The following MED13 variants were observed in gnomAD, a reference collection of about 807,000 sequenced individuals.
MED13 encodes the protein mediator of RNA polymerase II transcription subunit 13.
In MED13, 23 loss-of-function variants were observed where a neutral mutation model predicts 225.2. The observed-to-expected ratio is 0.10, with a 90% CI of 0.07 to 0.14. The LOEUF (loss-of-function observed/expected upper bound fraction) is 0.14. MED13 is among the 10% of genes least tolerant of loss of function. The pLI is 1.00. For synonymous variants in MED13, 942 were observed against 889.2 expected, an observed-to-expected ratio of 1.06 and a Z score of -1.06; for missense variants, 2,197 against 2,594.5, an observed-to-expected ratio of 0.85 and a Z score of 3.33.
intron 1 of MED13, among the ~76,000 whole-genome samples, chr17:62,063,977 G>A (rs1423220909): frequency 6.6e-6 from 1 of 152,178 alleles, no homozygotes; most frequent in Non-Finnish European, 1.5e-5. Flanking sequence ...TACTGTAGAC[G>A]AGGATAGAGT....
rs2080505719 is a variant in MED13, at chr17:62,011,219, T to C, written c.1298A>G (p.Lys433Arg). 1.2e-6 allele frequency: 2 copies of C among 1,604,686 alleles called. No individual in the cohort carries two copies. Among genetic ancestry groups the C allele is most frequent in the Admixed American group, 1.7e-5 (1 of 57,742 alleles). The change falls in exon 9 of 30, where the codon AAG becomes AGG. Residue 433 changes from lysine (K) to arginine (R), a missense_variant. Lys to Arg is a conservative substitution (Grantham distance 26). Coordinates refer to ENST00000397786, the MANE Select transcript of MED13 (RefSeq NM_005121.3). The part of the protein sequence containing the change: ...NCSCLRHKNL[K>R]SRNAGQQGQA... Reference sequence around the variant, plus strand: ...TCCTTGTTGTCCAGCATTTCTTGACTTGAGATTTTTGTGCCTGAAAAGTGA... The same window carrying C: ...TCCTTGTTGTCCAGCATTTCTTGACCTGAGATTTTTGTGCCTGAAAAGTGA...
At chr17:62,035,705 T>C in intron 3 of MED13, 97 bp from the exon 4 acceptor site, 1 of 1,219,982 alleles carries the variant, frequency 8.2e-7, no homozygotes. Flanking sequence ...ATGCATACCC[T>C]ATTTTGCCCA....
chr17:62,005,549 T>C (rs1014834729), intron 9 of MED13: 9 of 152,270 alleles, frequency 5.9e-5, no homozygotes, highest in Non-Finnish European at 1.3e-4. Context: ...GAAGTTGCAG[T>C]GAGCCGAGAC....
In MED13 at chr17:61,990,161, T is replaced by A. The variant is rs1428911110; in HGVS notation, c.2263+2379A>T. On this transcript the variant is annotated intron_variant, in intron 11 of 29. Transcript: ENST00000397786. ...GGATTTTGCTGTACATCATAGTGAATAATAACATATTGTATACTTGCAAAT... is the reference window on the plus strand; with the variant it reads ...GGATTTTGCTGTACATCATAGTGAAAAATAACATATTGTATACTTGCAAAT... Among the ~76,000 whole-genome samples the A allele has an allele frequency of 2.0e-5, 3 of 152,218 alleles. No individual in the cohort carries two copies. In the East Asian group the frequency reaches 5.8e-4, roughly 29 times the overall value.
chr17:62,019,540 G>C (rs2080616968), intron 8 of MED13, among the ~76,000 whole-genome samples: 1 of 152,110 alleles, frequency 6.6e-6, no homozygotes, highest in African/African-American at 2.4e-5. Context: ...ATTTAGTTAT[G>C]TCCCAAGTGT....
chr17:61,946,751 AT>A (rs2079854591), intron 29 of MED13, 151 bp from the exon 30 acceptor site: 1 of 1,154,352 alleles, frequency 8.7e-7, no homozygotes. Context: ...TTCCATAAAA[AT>A]TATTCTCAAA....
intron 8 of MED13, among the ~76,000 whole-genome samples, chr17:62,013,322 T>C (rs1215350153): frequency 6.6e-6 from 1 of 152,030 alleles, no homozygotes; most frequent in East Asian, 1.9e-4. Flanking sequence ...CAGCAAAATA[T>C]AAAAGAATAA....
intron 16 of MED13, 89 bp downstream of exon 16, chr17:61,982,107 CCA>C: frequency 8.0e-7 from 1 of 1,243,356 alleles, no homozygotes; most frequent in East Asian, 2.4e-5. Flanking sequence ...AATGTATTTG[CCA>C]CATGGGAAAC....
In MED13 at chr17:62,010,820, G is replaced by T; in HGVS notation, c.1697C>A (p.Pro566Gln). Reference sequence around the variant, plus strand: ...TGGTTTAGAAGGAACCAAGGGATCTGGTGTTGGCATTTGATAAAAATGTTG... The same window carrying T: ...TGGTTTAGAAGGAACCAAGGGATCTTGTGTTGGCATTTGATAAAAATGTTG... ...QSQHFYQMPT[P>Q]DPLVPSKPME... is the part of the protein sequence containing the mutation. The change falls in exon 9 of 30, where the codon CCA (proline) becomes CAA (glutamine). Residue 566 changes from proline (P) to glutamine (Q), a missense_variant. Around this residue, in one of 12 missense-constraint regions of MED13, gnomAD observed 884 missense variants for 918.5 expected, o/e 0.96. Coordinates refer to ENST00000397786, the MANE Select transcript of MED13 (RefSeq NM_005121.3). The T allele has an allele frequency of 1.2e-6, 2 of 1,614,190 alleles. No individual in the cohort carries two copies. The highest frequency in any genetic ancestry group is 1.1e-5 in the South Asian group (1 of 91,082).
chr17:62,042,335 G>A (rs566802049), intron 3 of MED13, among the ~76,000 whole-genome samples: 16 of 152,060 alleles, frequency 1.1e-4, no homozygotes, highest in South Asian at 2.1e-4. Context: ...AGGCCAAGGC[G>A]GGTGGATCAT....
chr17:62,006,461 T>C (rs894001815), intron 9 of MED13: 1 of 152,136 alleles, frequency 6.6e-6, no homozygotes, highest in Non-Finnish European at 1.5e-5. Context: ...TTAGGAATGG[T>C]TGCCTTCCCT....
chr17:61,960,880 C>G lies in MED13; in HGVS notation c.5467G>C (p.Asp1823His). The G allele has an allele frequency of 6.2e-7, 1 of 1,602,168 alleles. No individual in the cohort carries two copies. Among genetic ancestry groups the G allele is most frequent in the Non-Finnish European group, 8.5e-7 (1 of 1,170,724 alleles). Reference protein sequence around the residue: ...ELLETCIINIDVPNRARRKKS... With the variant: ...ELLETCIINIHVPNRARRKKS... ...AAATACAAATACCTATTTGGAACAT[C>G]GATGTTAATGATACAAGTTTCTAAA... The change falls in exon 23 of 30, where the codon GAT becomes CAT. Residue 1823 changes from aspartate to histidine, a missense_variant. Transcript: ENST00000397786.
Position 61,946,168 on chromosome 17 carries a change from G to C in MED13, c.*300C>G, listed in dbSNP as rs566888171. 1 of 252,182 alleles carries C rather than the reference G, an allele frequency of 4.0e-6. No homozygotes were observed. Among genetic ancestry groups the C allele is most frequent in the Admixed American group, 5.1e-5 (1 of 19,632 alleles). 15.6% of individuals were successfully genotyped at this position (252,182 alleles called of 1,614,324 possible). On this transcript the variant is annotated 3_prime_UTR_variant, in exon 30 of 30. Transcript: ENST00000397786. The stretch of plus-strand genomic sequence containing the variant: ...TTTAATATTCATTTAACATGACTGG[G>C]TACTATGGCTCATTACTTTTCACAA...
chr17:61,982,327 G>A lies in MED13; in HGVS notation c.3676C>T (p.Arg1226Cys), dbSNP rs367927155. The change falls in exon 16 of 30, where the codon CGT (arginine) becomes TGT (cysteine). Residue 1226 changes from arginine (R) to cysteine (C), a missense_variant. By Grantham distance (180) the Arg-to-Cys change is radical. Transcript: ENST00000397786. The part of the protein sequence containing the change: ...VISNWVRVEE[R>C]DCCNDCYLAL... ...AGGTAGCAGTCATTGCAACAGTCAC[G>A]CTCTTCAACACGTACCCAATTGCTA... The A allele has an allele frequency of 1.7e-5, 28 of 1,614,062 alleles. No homozygotes were observed. In the African/African-American group the frequency reaches 1.9e-4, roughly 11 times the overall value.
At chr17:62,035,821 C>A (rs2080797768) in intron 3 of MED13, among the ~76,000 whole-genome samples, 1 of 152,108 alleles carries the variant, frequency 6.6e-6, no homozygotes, top group Non-Finnish European at 1.5e-5. Context: ...GCTGCAAATA[C>A]AGGAACCAGT....
At chr17:62,053,468 A>C (rs2080972853) in intron 2 of MED13, among the ~76,000 whole-genome samples, 1 of 152,224 alleles carries the variant, frequency 6.6e-6, no homozygotes, top group African/African-American at 2.4e-5. Context: ...ACATTAACAC[A>C]GTCATTTTGA....
At chr17:62,010,121 C>T (rs1232809501) in intron 9 of MED13, among the ~76,000 whole-genome samples, 1 of 151,806 alleles carries the variant, frequency 6.6e-6, no homozygotes, top group Admixed American at 6.6e-5. Context: ...ACTCGGGAGG[C>T]TGAGGCAGGA....
At chr17:61,976,077 T>A (rs1259215785) in intron 16 of MED13, among the ~76,000 whole-genome samples, 1 of 151,858 alleles carries the variant, frequency 6.6e-6, no homozygotes, top group Non-Finnish European at 1.5e-5. Context: ...CACTTAAGAG[T>A]AATAAAAACA....
At chr17:61,961,319 G>A (rs1210011625) in intron 22 of MED13, among the ~76,000 whole-genome samples, 4 of 151,994 alleles carry the variant, frequency 2.6e-5, no homozygotes, top group African/African-American at 9.7e-5. Flanking sequence ...CCTGAGGTCA[G>A]GAGTTCGAAA....
Sources: gnomAD v4.1 joint callset for allele counts (sites outside exome capture counted in the v4.1 genomes callset) on GRCh38, gnomAD v4.1.1 for gene constraint, gnomAD v4.1.1 regional missense constraint, MANE v1.5 for transcripts, NCBI Gene and HGNC (gene_info 2026-07-23, HGNC 2026-07-21) for gene names.